BZW2: variants seen among roughly 807,000 people sequenced by gnomAD.
The protein encoded by BZW2 is basic leucine zipper and W2 domains 2.
In BZW2, 23 loss-of-function variants were observed where a neutral mutation model predicts 53.2. The observed-to-expected ratio is 0.43, with a 90% CI of 0.31 to 0.61. The LOEUF (loss-of-function observed/expected upper bound fraction) is 0.61. BZW2 is among the 20% of genes least tolerant of loss of function. The probability of loss-of-function intolerance (pLI) is 0.09; values close to 1 mark genes in which losing one functional copy is unlikely to be tolerated. For synonymous variants in BZW2, 227 were observed against 186.4 expected (o/e 1.22, Z -1.77); for missense variants, 409 against 503.1 (o/e 0.81, Z 1.79).
chr7:16,686,354 C>A (rs1783125906), intron 6 of BZW2: 1 of 258,620 alleles, frequency 3.9e-6, no homozygotes, highest in African/African-American at 2.2e-5. Context: ...AATCTTTTTG[C>A]CCTTCGACAC....
chr7:16,663,852 T>C (rs1240651487), intron 1 of BZW2, among the ~76,000 whole-genome samples: 1 of 152,200 alleles, frequency 6.6e-6, no homozygotes, highest in Non-Finnish European at 1.5e-5. Flanking sequence ...TTTTAAGAAG[T>C]CTTGTGGAGC....
At chr7:16,678,190 G>A (rs759043744) in intron 3 of BZW2, among the ~76,000 whole-genome samples, 1 of 148,828 alleles carries the variant, frequency 6.7e-6, no homozygotes, top group Non-Finnish European at 1.5e-5. Flanking sequence ...TCGAGTAGCC[G>A]GGATTACAGG....
intron 1 of BZW2, among the ~76,000 whole-genome samples, chr7:16,654,521 C>CCA (rs1782072436): frequency 1.2e-5 from 1 of 85,154 alleles, no homozygotes; most frequent in East Asian, 3.7e-4. Flanking sequence ...CCCCCCCCCC[C>CCA]AAAAAAAAAC....
intron 1 of BZW2, among the ~76,000 whole-genome samples, chr7:16,658,686 C>T (rs997208841): frequency 6.6e-6 from 1 of 151,854 alleles, no homozygotes; most frequent in Non-Finnish European, 1.5e-5. Flanking sequence ...ATCAGCCTGT[C>T]CAACATAGTG....
At position 16,693,942 on chromosome 7, in the gene BZW2, G is replaced by C. The variant is rs529680982; in HGVS notation, c.652-892G>C. The stretch of plus-strand genomic sequence containing the variant: ...GGCAAACCCATTGCAGATCTACTGA[G>C]GCTCTTTCTGGAACCACATAGCCAT... On this transcript the variant is annotated intron_variant, in intron 7 of 11. Transcript: ENST00000258761. Among the ~76,000 whole-genome samples, 3 of 152,292 alleles carry C rather than the reference G, an allele frequency of 2.0e-5. No homozygotes were observed. In the East Asian group the frequency reaches 5.8e-4, roughly 29 times the overall value.
intron 1 of BZW2, among the ~76,000 whole-genome samples, chr7:16,660,400 TAA>T (rs77517152): frequency 2.2e-4 from 29 of 130,156 alleles, no homozygotes; most frequent in Non-Finnish European, 2.1e-4. Context: ...ACTCCATATT[TAA>T]AAAAAAAAAA....
At chr7:16,690,012 TG>T in intron 7 of BZW2, 106 bp downstream of exon 7, 2 of 662,342 alleles carry the variant, frequency 3.0e-6, no homozygotes, top group Middle Eastern at 3.9e-4. Flanking sequence ...TGTGTTGACT[TG>T]GAGCACTGTT....
In BZW2 at chr7:16,704,650, G is replaced by A. The variant is rs1783777223; in HGVS notation, c.1212G>A (p.Trp404Ter). The A allele has an allele frequency of 6.3e-7, 1 of 1,585,354 alleles. No homozygotes were observed. The highest frequency in any genetic ancestry group is 8.6e-7 in the Non-Finnish European group (1 of 1,158,472). ...ACCAGATGAAGAAATTTGTTGAGTGGTTACAAAATGCAGAAGAAGGTATGA... is the reference window on the plus strand; with the variant it reads ...ACCAGATGAAGAAATTTGTTGAGTGATTACAAAATGCAGAAGAAGGTATGA... Reference protein sequence around the residue: ...FLDQMKKFVEWLQNAEEESES... With the variant: ...FLDQMKKFVE The change falls in exon 11 of 12, where the codon TGG (tryptophan) becomes TGA (stop). Residue 404 changes from tryptophan (W) to a stop codon, truncating the protein, a stop_gained. Transcript: ENST00000258761. LOFTEE classifies it high-confidence loss of function.
chr7:16,697,805 C>G (rs1783546639), intron 9 of BZW2, among the ~76,000 whole-genome samples: 1 of 152,152 alleles, frequency 6.6e-6, no homozygotes, highest in Admixed American at 6.5e-5. Flanking sequence ...TATTATTGGA[C>G]TGTGGCTCTG....
At chr7:16,674,639 T>C in intron 3 of BZW2, 51 bp downstream of exon 3, 1 of 1,347,672 alleles carries the variant, frequency 7.4e-7, no homozygotes, top group South Asian at 2.0e-5. Context: ...TTTTTAATTC[T>C]GTTGAAGTAT....
At chr7:16,675,532 T>C (rs1782738197) in intron 3 of BZW2, among the ~76,000 whole-genome samples, 1 of 152,170 alleles carries the variant, frequency 6.6e-6, no homozygotes. Context: ...TGCCCGTAAA[T>C]TCCTTTTTCT....
At chr7:16,695,068 T>C (rs982691035) in intron 8 of BZW2, 64 bp downstream of exon 8, 2 of 1,406,624 alleles carry the variant, frequency 1.4e-6, no homozygotes, top group African/African-American at 2.8e-5. Context: ...ATGGGCTGTG[T>C]AGCAAAGGCT....
At chr7:16,699,645 A>G (rs978970697) in intron 10 of BZW2, among the ~76,000 whole-genome samples, 1 of 152,072 alleles carries the variant, frequency 6.6e-6, no homozygotes, top group Non-Finnish European at 1.5e-5. Flanking sequence ...TCGTTGTCGG[A>G]GTCTCATCTT....
intron 2 of BZW2, among the ~76,000 whole-genome samples, chr7:16,670,013 C>G (rs1165235701): frequency 6.6e-6 from 1 of 152,170 alleles, no homozygotes; most frequent in Non-Finnish European, 1.5e-5. Context: ...CCAAAGTTGT[C>G]TTGTTTCTCA....
intron 7 of BZW2, 98 bp downstream of exon 7, chr7:16,690,004 TGTTG>T: frequency 2.6e-6 from 2 of 771,772 alleles, no homozygotes; most frequent in Non-Finnish European, 3.9e-6. Context: ...CCTGGATCTG[TGTTG>T]ACTTGGAGCA....
chr7:16,648,274 C>T (rs112035027), intron 1 of BZW2, among the ~76,000 whole-genome samples: 1 of 152,306 alleles, frequency 6.6e-6, no homozygotes, highest in Non-Finnish European at 1.5e-5. Context: ...AGTATTTAGT[C>T]TGTGCTAGAT....
At chr7:16,656,405 T>A (rs1438076238) in intron 1 of BZW2, among the ~76,000 whole-genome samples, 1 of 152,196 alleles carries the variant, frequency 6.6e-6, no homozygotes, top group Non-Finnish European at 1.5e-5. Flanking sequence ...GTAAAACATC[T>A]GGAGTTGTAG....
chr7:16,686,510 T>G (rs1177528892), intron 6 of BZW2: 1 of 162,606 alleles, frequency 6.1e-6, no homozygotes, highest in Non-Finnish European at 1.4e-5. Flanking sequence ...CAATTTTAAG[T>G]CTGCTGCATT....
At chr7:16,704,843 A>G (rs1783783467) in intron 11 of BZW2, among the ~76,000 whole-genome samples, 174 bp downstream of exon 11, 1 of 152,244 alleles carries the variant, frequency 6.6e-6, no homozygotes, top group South Asian at 2.1e-4. Flanking sequence ...TCACGGCAAT[A>G]AAAATCTCTA....
Sources: allele counts gnomAD v4.1 joint callset (sites outside exome capture counted in the v4.1 genomes callset), GRCh38; gene constraint gnomAD v4.1.1; transcripts MANE v1.5; gene names NCBI Gene and HGNC (gene_info 2026-07-23, HGNC 2026-07-21).